The following AKAP7 variants were observed in gnomAD, a reference collection of about 807,000 sequenced individuals.
AKAP7 encodes the protein A kinase (PRKA) anchor protein 7.
A neutral mutation model predicts 39.5 loss-of-function variants in AKAP7; 39 were observed. That is an observed-to-expected ratio of 0.99 (90% CI 0.76 to 1.29). The LOEUF is 1.29. Among genes scored for constraint, AKAP7 ranks in the 50% most tolerant of loss-of-function variants. The pLI is 0.00. For missense variants in AKAP7, 414 were observed against 407.7 expected (o/e 1.02, Z -0.13); for synonymous variants, 140 against 139.1 (o/e 1.01, Z -0.05).
intron 2 of AKAP7, among the ~76,000 whole-genome samples, chr6:131,145,906 A>G (rs1020682670): frequency 2.0e-5 from 3 of 152,102 alleles, no homozygotes; most frequent in Non-Finnish European, 4.4e-5. Flanking sequence ...TAATAATAAT[A>G]ATGTTATATT....
intron 7 of AKAP7, among the ~76,000 whole-genome samples, chr6:131,246,238 AAGAGG>A (rs1811993899): frequency 6.6e-6 from 1 of 152,138 alleles, no homozygotes; most frequent in Admixed American, 6.6e-5. Context: ...GTACATGGAC[AAGAGG>A]CAGCTGCCAC....
chr6:131,211,359 A>G (rs922347625), intron 6 of AKAP7, among the ~76,000 whole-genome samples: 1 of 152,130 alleles, frequency 6.6e-6, no homozygotes, highest in Admixed American at 6.5e-5. Flanking sequence ...GAAATCTCTA[A>G]AAGAAAAGGC....
upstream of AKAP7, among the ~76,000 whole-genome samples, chr6:131,132,659 G>A (rs1800353044): frequency 6.6e-6 from 1 of 151,868 alleles, no homozygotes; most frequent in African/African-American, 2.4e-5. Context: ...CACACATTCT[G>A]GATTGGTCTG....
chr6:131,273,163 G>A (rs536657110), intron 7 of AKAP7, among the ~76,000 whole-genome samples: 26 of 152,164 alleles, frequency 1.7e-4, no homozygotes, highest in Non-Finnish European at 3.1e-4. Context: ...CATTGCATTA[G>A]TGTGGCATAC....
rs535819183 is a variant in AKAP7, at chr6:131,159,162, C to T, written c.152-897C>T. On this transcript the variant is annotated intron_variant, in intron 2 of 7. Coordinates refer to ENST00000431975, the MANE Select transcript of AKAP7 (RefSeq NM_016377.4). ...AGGCTGGACTGCAGTGGCGCCATCT[C>T]GGCTCACTCCAAGCTCTGCCTCCTG... is the stretch of plus-strand genomic sequence containing the variant. 4.6e-5 allele frequency among the ~76,000 whole-genome samples: 7 copies of T among 152,220 alleles called. No homozygotes were observed. The East Asian group carries it at 1.2e-3, about 25-fold the overall frequency.
At chr6:131,197,882 G>T (rs911190803) in intron 5 of AKAP7, among the ~76,000 whole-genome samples, 40 of 152,312 alleles carry the variant, frequency 2.6e-4, no homozygotes, top group Admixed American at 7.2e-4. Flanking sequence ...GGCTGTGAAG[G>T]CCCCGAGCTG....
chr6:131,250,238 C>T lies in AKAP7; in HGVS notation c.850+30430C>T. On this transcript the variant is annotated intron_variant, in intron 7 of 7. Transcript: ENST00000431975. ...CTTTCTTAAAGACATATGCAAATAG[C>T]CAGACAGAACACATGGCACTGACCT... 3 of 1,055,140 alleles carry T rather than the reference C, an allele frequency of 2.8e-6. No homozygotes were observed. The South Asian group carries it at 1.3e-4, about 44-fold the overall frequency. 65.4% of individuals were successfully genotyped at this position (1,055,140 alleles called of 1,614,324 possible).
intron 5 of AKAP7, among the ~76,000 whole-genome samples, chr6:131,196,760 A>C (rs1806971662): frequency 6.6e-6 from 1 of 152,154 alleles, no homozygotes; most frequent in South Asian, 2.1e-4. Flanking sequence ...ATCTTTAAAA[A>C]ATATGAATTT....
Position 131,154,049 on chromosome 6 carries a change from A to G in AKAP7, c.152-6010A>G, listed in dbSNP as rs563658900. Among the ~76,000 whole-genome samples the G allele has an allele frequency of 5.9e-5, 9 of 152,190 alleles. No individual in the cohort carries two copies. In the South Asian group the frequency reaches 1.9e-3, roughly 32 times the overall value. On this transcript the variant is annotated intron_variant, in intron 2 of 7. Coordinates refer to ENST00000431975, the MANE Select transcript of AKAP7 (RefSeq NM_016377.4). ...ATATGGTGAAAACCTGTCTCTACTAAAAATACAAAAAATTAGCTGGGCATG... is the reference window on the plus strand; with the variant it reads ...ATATGGTGAAAACCTGTCTCTACTAGAAATACAAAAAATTAGCTGGGCATG...
At chr6:131,129,912 T>C in the AKAP7 span, among the ~76,000 whole-genome samples, 4 of 152,322 alleles carry the variant, frequency 2.6e-5, no homozygotes, top group African/African-American at 9.6e-5. Context: ...CCAAGGAACA[T>C]CCTAGGGCAA....
intron 7 of AKAP7, among the ~76,000 whole-genome samples, chr6:131,222,342 C>G (rs985777881): frequency 1.3e-5 from 2 of 151,938 alleles, no homozygotes; most frequent in East Asian, 3.9e-4. Context: ...TGGCTAACAC[C>G]GTGAAACCCT....
intron 6 of AKAP7, chr6:131,200,091 C>G (rs981414684): frequency 6.4e-6 from 1 of 157,450 alleles, no homozygotes; most frequent in Non-Finnish European, 1.4e-5. Flanking sequence ...ATGAGGGTAA[C>G]TGAGGGACCC....
intron 3 of AKAP7, 44 bp from the exon 4 acceptor site, chr6:131,165,037 C>A: frequency 1.4e-6 from 2 of 1,472,048 alleles, no homozygotes; most frequent in South Asian, 2.8e-5. Flanking sequence ...ATTTTGCTTA[C>A]CTAATCACTG....
At chr6:131,141,606 A>G (rs569434667) in intron 1 of AKAP7, among the ~76,000 whole-genome samples, 225 of 152,312 alleles carry the variant, frequency 1.5e-3, no homozygotes, top group African/African-American at 5.2e-3. Context: ...AGGGGTTAGA[A>G]GAGTTTGGAG....
At chr6:131,258,472 C>T (rs749178351) in intron 7 of AKAP7, among the ~76,000 whole-genome samples, 1 of 152,166 alleles carries the variant, frequency 6.6e-6, no homozygotes, top group Non-Finnish European at 1.5e-5. Flanking sequence ...TGGAAATTAC[C>T]TTAAGCTTCT....
chr6:131,242,266 C>T, intron 7 of AKAP7: 1 of 879,910 alleles, frequency 1.1e-6, no homozygotes, highest in South Asian at 5.2e-5. Flanking sequence ...ACCAAAGAAC[C>T]ATAGCTGCCA....
chr6:131,143,744 TTTTTTTTA>T (rs1228057718), intron 1 of AKAP7, among the ~76,000 whole-genome samples: 35 of 133,894 alleles, frequency 2.6e-4, no homozygotes, highest in African/African-American at 8.9e-4. Flanking sequence ...TATTCTTTTT[TTTTTTTTA>T]TTTTTTATTT....
upstream of AKAP7, among the ~76,000 whole-genome samples, chr6:131,130,936 A>C (rs184074891): frequency 6.6e-6 from 1 of 152,318 alleles, no homozygotes; most frequent in Non-Finnish European, 1.5e-5. Context: ...AAAAAAGAAA[A>C]AAATAGAAAT....
chr6:131,179,571 G>T (rs1471690981), intron 5 of AKAP7, among the ~76,000 whole-genome samples: 1 of 152,126 alleles, frequency 6.6e-6, no homozygotes, highest in Non-Finnish European at 1.5e-5. Context: ...ACCCAGTACT[G>T]TCTATAATGT....
Sources: gnomAD v4.1 joint callset for allele counts (sites outside exome capture counted in the v4.1 genomes callset) on GRCh38, gnomAD v4.1.1 for gene constraint, MANE v1.5 for transcripts, NCBI Gene and HGNC (gene_info 2026-07-23, HGNC 2026-07-21) for gene names.